The following CLCA2 variants were observed in gnomAD, a reference collection of about 807,000 sequenced individuals.
CLCA2 encodes the protein calcium-activated chloride channel regulator 2.
Under a neutral mutation model 82.9 loss-of-function variants are expected in CLCA2, and 85 were observed. The ratio of observed to expected loss-of-function variants is 1.03; its 90% CI spans 0.86 to 1.23. The LOEUF (loss-of-function observed/expected upper bound fraction) is 1.23, where lower values mean the gene tolerates loss of function less well. CLCA2 is among the 50% of genes most tolerant of loss of function. The pLI is 0.00. For missense variants in CLCA2, 1,089 were observed against 1,124.8 expected (o/e 0.97, Z 0.45); for synonymous variants, 421 against 391.7 (o/e 1.07, Z -0.88).
At chr1:86,447,379 T>C (rs890464385) in intron 10 of CLCA2, 129 bp from the exon 11 acceptor site, 11 of 895,702 alleles carry the variant, frequency 1.2e-5, no homozygotes, top group African/African-American at 8.3e-5. Flanking sequence ...TGGCATCTTT[T>C]TGTAGTATTT....
chr1:86,443,023 C>G (rs1322518817), intron 9 of CLCA2, among the ~76,000 whole-genome samples: 1 of 148,218 alleles, frequency 6.7e-6, no homozygotes, highest in African/African-American at 2.5e-5. Flanking sequence ...TTGTGAATGG[C>G]TAAATAATTT....
At chr1:86,430,823 A>AT in intron 3 of CLCA2, 39 bp from the exon 4 acceptor site, 1 of 1,502,622 alleles carries the variant, frequency 6.7e-7, no homozygotes, top group Non-Finnish European at 9.3e-7. Context: ...CATTGCTGAG[A>AT]TTTTAGAAGC....
In CLCA2 at chr1:86,455,709, C is replaced by G. The variant is rs1005415653; in HGVS notation, c.*182C>G. On this transcript the variant is annotated 3_prime_UTR_variant, in exon 14 of 14. Transcript: ENST00000370565. ...TCTTTTTGGGGGTAGATTAGAAAAC[C>G]CTTACACTTTGGCTATGAACAAATA... 18 of 378,666 alleles carry G rather than the reference C, an allele frequency of 4.8e-5. No homozygotes were observed. The highest frequency in any genetic ancestry group is 6.0e-5 in the Non-Finnish European group (13 of 216,988). The allele number at this position is 378,666 out of a possible 1,614,324, so 23.5% of individuals were successfully genotyped here.
Position 86,453,404 on chromosome 1 carries a change from G to A in CLCA2, c.2191G>A (p.Gly731Ser), listed in dbSNP as rs1663012431. 6.2e-7 allele frequency: 1 copy of A among 1,614,056 alleles called. No homozygotes were observed. ...GATGAATGCTCCAAGGAAATCAGTAGGCAGAAATGAGGAGGAGCGAAAGTG... is the reference window on the plus strand; with the variant it reads ...GATGAATGCTCCAAGGAAATCAGTAAGCAGAAATGAGGAGGAGCGAAAGTG... ...IQMNAPRKSV[G>S]RNEEERKWGF... Residue 731 changes from glycine to serine, a missense_variant, in exon 13 of 14, where the codon GGC becomes AGC. By Grantham distance (56) the Gly-to-Ser change is moderately conservative. Transcript: ENST00000370565.
chr1:86,444,220 T>C (rs922720027), intron 10 of CLCA2, among the ~76,000 whole-genome samples: 1 of 152,228 alleles, frequency 6.6e-6, no homozygotes, highest in African/African-American at 2.4e-5. Flanking sequence ...AGACACCAAA[T>C]ACTTCAACAC....
intron 6 of CLCA2, among the ~76,000 whole-genome samples, chr1:86,436,336 C>A (rs1662608907): frequency 1.3e-5 from 2 of 152,214 alleles, no homozygotes; most frequent in African/African-American, 4.8e-5. Context: ...TGCTACGAAT[C>A]AGGCCTGCCT....
chr1:86,450,505 A>G, intron 11 of CLCA2, 58 bp from the exon 12 acceptor site: 1 of 1,352,960 alleles, frequency 7.4e-7, no homozygotes, highest in Middle Eastern at 1.9e-4. Context: ...TTAATGACTT[A>G]AATATTAGTA....
rs146862781 is a variant in CLCA2, at chr1:86,444,034, T to C, written c.1713+23T>C. ...AAGGTAGGTGTTGTGAGTTTGTTCC[T>C]AAGGACAACGTTCAACCAAGTTTAT... On this transcript the variant is annotated intron_variant, in intron 10 of 13. Transcript: ENST00000370565. 1.4e-4 allele frequency: 211 copies of C among 1,483,024 alleles called. 1 individual carries two copies. In the African/African-American group the frequency reaches 2.8e-3, roughly 19 times the overall value. 91.9% of individuals were successfully genotyped at this position (1,483,024 alleles called of 1,614,324 possible).
chr1:86,431,043 A>T (rs1001989401), intron 4 of CLCA2, 73 bp downstream of exon 4: 7 of 1,031,508 alleles, frequency 6.8e-6, no homozygotes, highest in African/African-American at 6.5e-5. Flanking sequence ...AAGCAATTAA[A>T]TAATTGCCTA....
rs1159102762 is a variant in CLCA2, at chr1:86,432,487, A to T, written c.703A>T (p.Asn235Tyr). Residue 235 changes from asparagine (N) to tyrosine (Y), a missense_variant, in exon 5 of 14, where the codon AAT becomes TAT. By Grantham distance (143) the Asn-to-Tyr change is moderately radical. Coordinates refer to ENST00000370565, the MANE Select transcript of CLCA2 (RefSeq NM_006536.7). ...GCTFIYNSTQ[N>Y]ATASIMFMQS... is the part of the protein sequence containing the mutation. Reference sequence around the variant, plus strand: ...CACCTTTATCTACAATAGCACCCAAAATGCAACTGCATCAATAATGTTCAT... The same window carrying T: ...CACCTTTATCTACAATAGCACCCAATATGCAACTGCATCAATAATGTTCAT... The T allele has an allele frequency of 6.2e-7, 1 of 1,614,002 alleles. No individual in the cohort carries two copies. Among genetic ancestry groups the T allele is most frequent in the South Asian group, 1.1e-5 (1 of 91,066 alleles).
At chr1:86,427,547 T>TACAC (rs146595899) in intron 2 of CLCA2, among the ~76,000 whole-genome samples, 36,369 of 148,126 alleles carry the variant, frequency 0.25, 4,580 homozygotes, top group Non-Finnish European at 0.29. Flanking sequence ...CACACATACA[T>TACAC]ACACACACAC....
At position 86,455,979 on chromosome 1, in the gene CLCA2, A is replaced by G. The variant is rs919425082; in HGVS notation, c.*452A>G. 1 of 152,276 alleles carries G rather than the reference A, an allele frequency of 6.6e-6. No individual in the cohort carries two copies. The highest frequency in any genetic ancestry group is 1.5e-5 in the Non-Finnish European group (1 of 68,090). 9.4% of individuals were successfully genotyped at this position (152,276 alleles called of 1,614,324 possible). On this transcript the variant is annotated 3_prime_UTR_variant, in exon 14 of 14. Coordinates refer to ENST00000370565, the MANE Select transcript of CLCA2 (RefSeq NM_006536.7). The stretch of plus-strand genomic sequence containing the variant: ...AACTGAAGATCATGCTATATTTTAT[A>G]TATGAAGCCCCTAATGCAAAGCTCT...
At position 86,443,852 on chromosome 1, in the gene CLCA2, T is replaced by C. The variant is rs367640893; in HGVS notation, c.1554T>C (p.Asn518=). ...HQLKNTVTVD[N]TVGNDTMFLV... ...TGAAAAACACAGTGACTGTGGATAA[T>C]ACTGTGGGCAACGACACTATGTTTC... Residue 518 remains asparagine (N), a synonymous_variant, in exon 10 of 14, where the codon AAT becomes AAC. Coordinates refer to ENST00000370565, the MANE Select transcript of CLCA2 (RefSeq NM_006536.7). 83 of 1,614,068 alleles carry C rather than the reference T, an allele frequency of 5.1e-5. No individual in the cohort carries two copies. Among genetic ancestry groups the C allele is most frequent in the Middle Eastern group, 5.0e-4 (3 of 6,058 alleles).
intron 6 of CLCA2, among the ~76,000 whole-genome samples, chr1:86,438,669 C>T (rs12060112): frequency 0.1 from 15,814 of 152,128 alleles, 976 homozygotes; most frequent in African/African-American, 0.16. Flanking sequence ...GAGCCCCAAG[C>T]CACTCCCTCT....
chr1:86,439,207 T>G, intron 7 of CLCA2, 101 bp downstream of exon 7: 1 of 1,022,458 alleles, frequency 9.8e-7, no homozygotes, highest in Non-Finnish European at 1.5e-6. Flanking sequence ...TACAGGGTGG[T>G]CATAACAGCC....
chr1:86,428,449 C>A lies in CLCA2; in HGVS notation c.356C>A (p.Ala119Glu), dbSNP rs781199665. 9 of 1,609,848 alleles carry A rather than the reference C, an allele frequency of 5.6e-6. No individual in the cohort carries two copies. Among genetic ancestry groups the A allele is most frequent in the Non-Finnish European group, 7.6e-6 (9 of 1,178,048 alleles). ...ANVIVTDWYGAHGDDPYTLQY... is the reference protein window; with the variant it reads ...ANVIVTDWYGEHGDDPYTLQY... ...GTCATAGTGACTGACTGGTATGGGG[C>A]ACATGGAGATGATCCATACACCCTA... The change falls in exon 3 of 14, where the codon GCA (alanine) becomes GAA (glutamate). Residue 119 changes from alanine to glutamate, a missense_variant. Physicochemically the swap from Ala to Glu is moderately radical, Grantham distance 107. Coordinates refer to ENST00000370565, the MANE Select transcript of CLCA2 (RefSeq NM_006536.7).
In CLCA2 at chr1:86,450,748, C is replaced by A; in HGVS notation, c.2155+15C>A. ...CACAGCAAACGGTAAGAACCATTAG[C>A]ACTGTTATTTGAGTAACATCATTTC... On this transcript the variant is annotated intron_variant, in intron 12 of 13. Transcript: ENST00000370565. 1 of 1,575,414 alleles carries A rather than the reference C, an allele frequency of 6.3e-7. No individual in the cohort carries two copies. The highest frequency in any genetic ancestry group is 8.6e-7 in the Non-Finnish European group (1 of 1,158,142).
intron 8 of CLCA2, among the ~76,000 whole-genome samples, chr1:86,440,528 C>T (rs142419099): frequency 8.8e-4 from 134 of 152,034 alleles, no homozygotes; most frequent in Non-Finnish European, 1.8e-3. Context: ...TATATACATC[C>T]AAAAAATAAT....
At position 86,434,826 on chromosome 1, in the gene CLCA2, C is replaced by A. The variant is rs1047525804; in HGVS notation, c.972+81C>A. On this transcript the variant is annotated intron_variant, in intron 6 of 13. Coordinates refer to ENST00000370565, the MANE Select transcript of CLCA2 (RefSeq NM_006536.7). ...TTATTATCTCAATTTATTTTAAGTT[C>A]TGGGGTACATGTGCAGGACGTTCAA... The A allele has an allele frequency of 1.6e-5, 19 of 1,173,938 alleles. No individual in the cohort carries two copies. In the African/African-American group the frequency reaches 2.6e-4, roughly 16 times the overall value. 72.7% of individuals were successfully genotyped at this position (1,173,938 alleles called of 1,614,324 possible).
Sources: allele counts gnomAD v4.1 joint callset (sites outside exome capture counted in the v4.1 genomes callset), GRCh38; gene constraint gnomAD v4.1.1; transcripts MANE v1.5; gene names NCBI Gene and HGNC (gene_info 2026-07-23, HGNC 2026-07-21).